TULP4: variants seen among roughly 807,000 people sequenced by gnomAD.
TULP4 encodes tubby-related protein 4.
A neutral mutation model predicts 129.0 loss-of-function variants in TULP4; 16 were observed. The ratio of observed to expected loss-of-function variants is 0.12; its 90% CI spans 0.08 to 0.19. The LOEUF (loss-of-function observed/expected upper bound fraction) is 0.19, where lower values mean the gene tolerates loss of function less well. Ranked by LOEUF, TULP4 falls within the 10% of genes least tolerant of loss-of-function variation. The pLI, the probability that TULP4 is intolerant of heterozygous loss-of-function variation, is 1.00. For missense variants in TULP4, 1,842 were observed against 2,059.1 expected (o/e 0.89, Z 2.04); for synonymous variants, 998 against 854.0 (o/e 1.17, Z -2.94).
chr6:158,462,747 C>CCT (rs1363763623), intron 6 of TULP4, among the ~76,000 whole-genome samples: 30 of 127,870 alleles, frequency 2.3e-4, no homozygotes, highest in African/African-American at 8.0e-4. Context: ...TTTTTTTTTC[C>CCT]TTTTTTTTTT....
At position 158,503,827 on chromosome 6, in the gene TULP4, A is replaced by G. The variant is rs144397791; in HGVS notation, c.4164A>G (p.Lys1388=). ...GREKKKVKSQ[K]DQLKSKKLNK... ...AGAAGAAGAAAGTGAAGAGTCAGAAAGACCAACTGAAGTCAAAGAAGTTGA... is the reference window on the plus strand; with the variant it reads ...AGAAGAAGAAAGTGAAGAGTCAGAAGGACCAACTGAAGTCAAAGAAGTTGA... The change falls in exon 13 of 14, where the codon AAA becomes AAG. Residue 1388 remains lysine, a synonymous_variant. Transcript: ENST00000367097. The surrounding 1 kb of genome is among the most constrained non-coding windows in gnomAD (Gnocchi z 4.3). 7.4e-6 allele frequency: 12 copies of G among 1,614,064 alleles called. No homozygotes were observed. In the African/African-American group the frequency reaches 1.6e-4, roughly 22 times the overall value.
intron 10 of TULP4, among the ~76,000 whole-genome samples, chr6:158,494,284 T>A (rs1006403859): frequency 2.1e-4 from 32 of 152,208 alleles, no homozygotes; most frequent in Non-Finnish European, 1.6e-4. Context: ...TTTAAGCTCC[T>A]TAAGGGGCTG....
intron 6 of TULP4, among the ~76,000 whole-genome samples, chr6:158,476,291 TG>T (rs1348274943): frequency 3.3e-5 from 5 of 152,312 alleles, no homozygotes; most frequent in African/African-American, 1.2e-4. Flanking sequence ...ATTAATTTAA[TG>T]TAAATTCCTG....
At chr6:158,285,266 A>G (rs553335432) in intron 1 of TULP4, among the ~76,000 whole-genome samples, 2 of 152,158 alleles carry the variant, frequency 1.3e-5, no homozygotes, top group South Asian at 4.1e-4. Context: ...ACAATAAACA[A>G]TTCTTTATAA....
Position 158,446,347 on chromosome 6 carries a change from G to T in TULP4, c.544-2649G>T, listed in dbSNP as rs367962342. On this transcript the variant is annotated intron_variant, in intron 3 of 13. Coordinates refer to ENST00000367097, the MANE Select transcript of TULP4 (RefSeq NM_020245.5). ...CTTAATAGTGTTTTTGTCTTCCTAT[G>T]GGAACTGTAGTTGTAATTCATTAAT... Among the ~76,000 whole-genome samples, 115 of 152,204 alleles carry T rather than the reference G, an allele frequency of 7.6e-4. 3 individuals carry two copies. In the South Asian group the frequency reaches 0.023, roughly 30 times the overall value.
At chr6:158,332,619 A>G (rs1490569105) in intron 1 of TULP4, among the ~76,000 whole-genome samples, 1 of 152,104 alleles carries the variant, frequency 6.6e-6, no homozygotes, top group Non-Finnish European at 1.5e-5. Context: ...TGGCAGGATC[A>G]CTGGTTTCTA....
At chr6:158,446,620 C>T (rs748098696) in intron 3 of TULP4, among the ~76,000 whole-genome samples, 39 of 152,146 alleles carry the variant, frequency 2.6e-4, no homozygotes, top group Non-Finnish European at 4.9e-4. Context: ...TTGAGCAAAG[C>T]TGATGTGGTT....
At chr6:158,432,097 A>G (rs924885849) in intron 3 of TULP4, among the ~76,000 whole-genome samples, 2 of 86,052 alleles carry the variant, frequency 2.3e-5, no homozygotes, top group Non-Finnish European at 6.2e-5. Flanking sequence ...CCCATCTCTG[A>G]AAAAAAAAAA....
intron 1 of TULP4, among the ~76,000 whole-genome samples, chr6:158,350,135 C>T (rs1442439591): frequency 5.6e-5 from 8 of 142,456 alleles, no homozygotes; most frequent in South Asian, 2.3e-4. Context: ...TCGGGGCAAC[C>T]GAGCAGAGGC....
chr6:158,274,737 C>T (rs174491), intron 1 of TULP4, among the ~76,000 whole-genome samples: 69,257 of 151,848 alleles, frequency 0.46, 16,062 homozygotes, highest in East Asian at 0.54. Flanking sequence ...AGATTGCGCC[C>T]CTGCACTCCA....
At chr6:158,238,214 T>A (rs1477393733) in intron 1 of TULP4, 1 of 853,234 alleles carries the variant, frequency 1.2e-6, no homozygotes. Flanking sequence ...CAGCTTAATT[T>A]CAATTGCATT....
intron 1 of TULP4, among the ~76,000 whole-genome samples, chr6:158,349,075 G>T (rs1428812651): frequency 2.7e-5 from 3 of 111,606 alleles, no homozygotes; most frequent in Middle Eastern, 6.0e-3. Flanking sequence ...GCCAGGCAGA[G>T]GCGCTCCTCA....
intron 1 of TULP4, among the ~76,000 whole-genome samples, chr6:158,327,105 C>T (rs972343843): frequency 2.3e-5 from 3 of 130,232 alleles, no homozygotes; most frequent in African/African-American, 8.4e-5. Context: ...TAATACTTTC[C>T]TCATATGGGA....
Position 158,394,719 on chromosome 6 carries a change from G to A in TULP4, c.253-18346G>A, listed in dbSNP as rs543027279. On this transcript the variant is annotated intron_variant, in intron 1 of 13. Coordinates refer to ENST00000367097, the MANE Select transcript of TULP4 (RefSeq NM_020245.5). ...GGAGAATGGCGTGAACCCGGGAGGC[G>A]GAGCTTGCAGTGAACCCAGATTGTG... Among the ~76,000 whole-genome samples the A allele has an allele frequency of 1.3e-4, 19 of 141,958 alleles. No homozygotes were observed. The East Asian group carries it at 2.0e-3, about 15-fold the overall frequency. The allele number at this position is 141,958 out of a possible 152,430, so 93.1% of individuals were successfully genotyped here.
At position 158,335,274 on chromosome 6, in the gene TULP4, CAA is replaced by C. The variant is rs61418142; in HGVS notation, c.252+21024_252+21025del. ...CCTGGTGAACAGAGCGAGACTGTCTCAAAAAAAAAAAAAAAAAAATTTTTGTT... is the reference window on the plus strand; with the variant it reads ...CCTGGTGAACAGAGCGAGACTGTCTCAAAAAAAAAAAAAAAAATTTTTGTT... On this transcript the variant is annotated intron_variant, in intron 1 of 13. Transcript: ENST00000367097. Among the ~76,000 whole-genome samples, 1,124 of 121,570 alleles carry C rather than the reference CAA, an allele frequency of 9.2e-3. 9 individuals carry two copies. The highest frequency in any genetic ancestry group is 0.024 in the African/African-American group (782 of 32,214). The allele number at this position is 121,570 out of a possible 152,430, so 79.8% of individuals were successfully genotyped here.
chr6:158,479,071 G>C (rs561380431), intron 6 of TULP4, among the ~76,000 whole-genome samples: 1 of 152,234 alleles, frequency 6.6e-6, no homozygotes, highest in Admixed American at 6.5e-5. Flanking sequence ...CATGAGAAAA[G>C]GGGGAGGCTT....
chr6:158,329,817 G>GA (rs1779833546), intron 1 of TULP4, among the ~76,000 whole-genome samples: 1 of 41,340 alleles, frequency 2.4e-5, no homozygotes, highest in Non-Finnish European at 6.6e-5. Context: ...ATTGTGCTTT[G>GA]AAAAACCTAA....
At chr6:158,475,676 G>A (rs1779801317) in intron 6 of TULP4, among the ~76,000 whole-genome samples, 1 of 152,178 alleles carries the variant, frequency 6.6e-6, no homozygotes, top group African/African-American at 2.4e-5. Flanking sequence ...CAGACAGTGT[G>A]TTCATGTTCT....
chr6:158,273,450 C>T (rs953565687), intron 1 of TULP4, among the ~76,000 whole-genome samples: 4 of 152,190 alleles, frequency 2.6e-5, no homozygotes, highest in Admixed American at 6.5e-5. Flanking sequence ...TTAAAACTGA[C>T]CTTTATGTCG....
Sources: allele counts gnomAD v4.1 joint callset (sites outside exome capture counted in the v4.1 genomes callset), GRCh38; gene constraint gnomAD v4.1.1; non-coding constraint Gnocchi (gnomAD v3.1); transcripts MANE v1.5; gene names NCBI Gene and HGNC (gene_info 2026-07-23, HGNC 2026-07-21).